The following ACOXL variants were observed in gnomAD, a reference collection of about 807,000 sequenced individuals.
ACOXL encodes acyl-coenzyme A oxidase-like protein.
ACOXL carries 70 observed loss-of-function variants against 71.9 expected under a neutral mutation model. The observed-to-expected ratio is 0.97, with a 90% CI of 0.80 to 1.19. The LOEUF is 1.19. Ranked by LOEUF, ACOXL falls within the 50% of genes most tolerant of loss-of-function variation. The pLI, the probability that ACOXL is intolerant of heterozygous loss-of-function variation, is 0.00. For missense variants in ACOXL, 703 were observed against 736.3 expected, an observed-to-expected ratio of 0.95 and a Z score of 0.52; for synonymous variants, 253 against 281.6, an observed-to-expected ratio of 0.90 and a Z score of 1.02.
intron 16 of ACOXL, among the ~76,000 whole-genome samples, chr2:111,088,609 C>CA (rs1254521349): frequency 6.6e-5 from 10 of 152,006 alleles, no homozygotes; most frequent in African/African-American, 2.2e-4. Context: ...CAAAGGGGAA[C>CA]AACAGACACC....
chr2:110,805,376 A>G lies in ACOXL; in HGVS notation c.734A>G (p.Gln245Arg). 1 of 1,614,230 alleles carries G rather than the reference A, an allele frequency of 6.2e-7. No individual in the cohort carries two copies. ...CCTTCGAGATTAGCTGTGGCTTTCC[A>G]AGCTATGGGTGCCATGAAGGTAATT... ...LTPSRLAVAF[Q>R]AMGAMKLGLT... is the part of the protein sequence containing the mutation. The change falls in exon 9 of 18, where the codon CAA (glutamine) becomes CGA (arginine). Residue 245 changes from glutamine to arginine, a missense_variant. Transcript: ENST00000439055.
At chr2:110,753,666 G>A (rs1359786667) in intron 1 of ACOXL, among the ~76,000 whole-genome samples, 1 of 152,184 alleles carries the variant, frequency 6.6e-6, no homozygotes, top group African/African-American at 2.4e-5. Flanking sequence ...TATGAATAAA[G>A]CTGATAAGAA....
At chr2:111,086,475 TCAGTAGATGCAG>T (rs1215255753) in intron 16 of ACOXL, among the ~76,000 whole-genome samples, 1 of 152,162 alleles carries the variant, frequency 6.6e-6, no homozygotes, top group Non-Finnish European at 1.5e-5. Flanking sequence ...TATGATTATC[TCAGTAGATGCAG>T]ATGAAATTCG....
chr2:110,982,024 A>G (rs551385256), intron 12 of ACOXL, among the ~76,000 whole-genome samples: 125 of 152,326 alleles, frequency 8.2e-4, no homozygotes, highest in Middle Eastern at 3.4e-3. Flanking sequence ...CAACAAAACT[A>G]ACCGCTCTTA....
intron 11 of ACOXL, among the ~76,000 whole-genome samples, chr2:110,919,912 TA>T (rs1464324667): frequency 6.6e-6 from 1 of 152,226 alleles, no homozygotes; most frequent in African/African-American, 2.4e-5. Flanking sequence ...TATTGCTGAG[TA>T]GTATTCGTAG....
chr2:110,767,698 T>C (rs1289992420), intron 1 of ACOXL, among the ~76,000 whole-genome samples: 1 of 152,172 alleles, frequency 6.6e-6, no homozygotes, highest in Non-Finnish European at 1.5e-5. Context: ...AACACGCATG[T>C]CACTCCCTTG....
At chr2:110,794,400 T>C (rs1685033533) in intron 5 of ACOXL, among the ~76,000 whole-genome samples, 1 of 152,248 alleles carries the variant, frequency 6.6e-6, no homozygotes, top group South Asian at 2.1e-4. Flanking sequence ...TATGGTGCCT[T>C]TGAGGCACTG....
chr2:111,009,583 G>C (rs1028872066), intron 14 of ACOXL, among the ~76,000 whole-genome samples: 2 of 151,694 alleles, frequency 1.3e-5, no homozygotes, highest in African/African-American at 4.8e-5. Context: ...AATGAAGGAG[G>C]AACATCCCAA....
At position 110,982,743 on chromosome 2, in the gene ACOXL, T is replaced by C. The variant is rs554140862; in HGVS notation, c.1060-4365T>C. Among the ~76,000 whole-genome samples, 4 of 152,326 alleles carry C rather than the reference T, an allele frequency of 2.6e-5. No individual in the cohort carries two copies. In the East Asian group the frequency reaches 7.7e-4, roughly 29 times the overall value. ...ATTATTTTAGTATAAGTATGACCCA[T>C]GCAATATTTTGGTGTCCAAATACAA... On this transcript the variant is annotated intron_variant, in intron 12 of 17. Transcript: ENST00000439055.
intron 10 of ACOXL, among the ~76,000 whole-genome samples, chr2:110,886,436 G>C (rs1438056823): frequency 6.6e-6 from 1 of 150,386 alleles, no homozygotes; most frequent in Non-Finnish European, 1.5e-5. Flanking sequence ...GGAGTGAGTG[G>C]CATGATGTTG....
chr2:111,046,882 C>T (rs911813861), intron 15 of ACOXL, among the ~76,000 whole-genome samples: 1 of 152,072 alleles, frequency 6.6e-6, no homozygotes, highest in South Asian at 2.1e-4. Flanking sequence ...AGGGGCTAGG[C>T]CTGGTGTGGT....
chr2:111,075,984 T>C (rs972816643), intron 16 of ACOXL, among the ~76,000 whole-genome samples: 3 of 152,174 alleles, frequency 2.0e-5, no homozygotes, highest in African/African-American at 7.2e-5. Context: ...ATTTGTCTTG[T>C]TACCCAGGAT....
intron 16 of ACOXL, among the ~76,000 whole-genome samples, chr2:111,054,647 G>A (rs1558918514): frequency 6.6e-6 from 1 of 152,140 alleles, no homozygotes; most frequent in Admixed American, 6.5e-5. Flanking sequence ...AAGGAGGGAC[G>A]CCAGGCCTCC....
In ACOXL at chr2:110,933,623, G is replaced by A. The variant is rs1265915879; in HGVS notation, c.1040G>A (p.Arg347His). ...AACATCCGCTGCCTGCAGGACTGCC[G>A]CGAGTGCACTGGAGGCATGGTGAGC... ...WENIRCLQDC[R>H]ECTGGMVVGR... The change falls in exon 12 of 18, where the codon CGC becomes CAC. Residue 347 changes from arginine to histidine, a missense_variant. By Grantham distance (29) the Arg-to-His change is conservative (BLOSUM62 0). Transcript: ENST00000439055. The A allele has an allele frequency of 1.5e-5, 24 of 1,612,090 alleles. 1 individual carries two copies. The Admixed American group carries it at 3.3e-4, about 22-fold the overall frequency.
chr2:110,984,392 T>A (rs1310545870), intron 12 of ACOXL, among the ~76,000 whole-genome samples: 1 of 152,174 alleles, frequency 6.6e-6, no homozygotes, highest in Admixed American at 6.5e-5. Context: ...TGCCTCTGCC[T>A]GGTAATTTAT....
At chr2:110,797,232 C>T (rs561697721) in intron 5 of ACOXL, among the ~76,000 whole-genome samples, 1 of 152,280 alleles carries the variant, frequency 6.6e-6, no homozygotes, top group East Asian at 1.9e-4. Flanking sequence ...AGAACAAAAC[C>T]CCTGCGTTTT....
intron 10 of ACOXL, among the ~76,000 whole-genome samples, chr2:110,900,474 A>G (rs1214255878): frequency 1.3e-5 from 2 of 152,140 alleles, no homozygotes; most frequent in African/African-American, 4.8e-5. Context: ...TATCAGCCCC[A>G]GTTAATGGTT....
intron 2 of ACOXL, among the ~76,000 whole-genome samples, chr2:110,771,407 C>G (rs1428963979): frequency 6.6e-6 from 1 of 152,158 alleles, no homozygotes; most frequent in African/African-American, 2.4e-5. Flanking sequence ...CCTGGACCCC[C>G]CTTTCATGTT....
At chr2:111,064,583 A>G (rs923844401) in intron 16 of ACOXL, among the ~76,000 whole-genome samples, 10 of 152,340 alleles carry the variant, frequency 6.6e-5, no homozygotes, top group African/African-American at 2.4e-4. Context: ...TTTAGGGAAT[A>G]ATGACAACAG....
Sources: gnomAD v4.1 joint callset for allele counts (sites outside exome capture counted in the v4.1 genomes callset) on GRCh38, gnomAD v4.1.1 for gene constraint, MANE v1.5 for transcripts, NCBI Gene and HGNC (gene_info 2026-07-23, HGNC 2026-07-21) for gene names.